DGKI: variants seen among roughly 807,000 people sequenced by gnomAD.
The protein encoded by DGKI is DAG kinase iota.
A neutral mutation model predicts 147.5 loss-of-function variants in DGKI; 55 were observed. That is an observed-to-expected ratio of 0.37 (90% CI 0.30 to 0.47). The LOEUF (loss-of-function observed/expected upper bound fraction) is 0.47, where lower values mean the gene tolerates loss of function less well. Among genes scored for constraint, DGKI ranks in the 20% least tolerant of loss-of-function variants. The pLI is 1.00. For missense variants in DGKI, 1,007 were observed against 1,323.8 expected (o/e 0.76, Z 3.71); for synonymous variants, 469 against 477.1 (o/e 0.98, Z 0.22).
chr7:137,706,842 G>A (rs1794046709), intron 1 of DGKI, among the ~76,000 whole-genome samples: 1 of 151,938 alleles, frequency 6.6e-6, no homozygotes. Flanking sequence ...ATAGTGCTGG[G>A]ATTACAGGCG....
chr7:137,770,593 G>A (rs1303539118), intron 1 of DGKI, among the ~76,000 whole-genome samples: 1 of 47,632 alleles, frequency 2.1e-5, no homozygotes, highest in African/African-American at 5.2e-4. Flanking sequence ...GAGTGCAGTG[G>A]CGGGATCTCG....
intron 12 of DGKI, among the ~76,000 whole-genome samples, chr7:137,592,614 T>C (rs1819655788): frequency 6.6e-6 from 1 of 152,232 alleles, no homozygotes; most frequent in African/African-American, 2.4e-5. Context: ...CAGATGCACG[T>C]TGCGCTGCCT....
chr7:137,489,642 A>G (rs1815690398), intron 21 of DGKI, among the ~76,000 whole-genome samples: 1 of 152,176 alleles, frequency 6.6e-6, no homozygotes, highest in African/African-American at 2.4e-5. Context: ...GATGAGGAAA[A>G]GTTGGAATTT....
intron 1 of DGKI, among the ~76,000 whole-genome samples, chr7:137,832,546 A>G (rs1188116672): frequency 6.6e-6 from 1 of 152,220 alleles, no homozygotes; most frequent in East Asian, 1.9e-4. Flanking sequence ...CCAAGTCCAT[A>G]GTCTGCACAG....
chr7:137,647,105 A>C (rs2129009011), intron 5 of DGKI, among the ~76,000 whole-genome samples: 1 of 152,358 alleles, frequency 6.6e-6, no homozygotes, highest in Admixed American at 6.5e-5. Flanking sequence ...CTAAGAAAGA[A>C]GCTAATTATA....
intron 1 of DGKI, among the ~76,000 whole-genome samples, chr7:137,838,441 G>C (rs113903501): frequency 2.0e-5 from 3 of 152,034 alleles, no homozygotes; most frequent in Non-Finnish European, 2.9e-5. Flanking sequence ...CTTTCCGACC[G>C]CTTCCACATA....
intron 1 of DGKI, among the ~76,000 whole-genome samples, chr7:137,796,797 A>G (rs752884330): frequency 6.6e-5 from 10 of 152,218 alleles, no homozygotes; most frequent in Non-Finnish European, 1.0e-4. Flanking sequence ...GAAAATAAAC[A>G]AAGCCTCAGA....
At chr7:137,492,629 G>A in intron 21 of DGKI, among the ~76,000 whole-genome samples, 1 of 152,294 alleles carries the variant, frequency 6.6e-6, no homozygotes, top group Admixed American at 6.5e-5. Flanking sequence ...GAGGTGGTAA[G>A]GGCAGGGCTC....
At chr7:137,681,286 G>A (rs1272186802) in intron 2 of DGKI, among the ~76,000 whole-genome samples, 2 of 152,192 alleles carry the variant, frequency 1.3e-5, no homozygotes, top group South Asian at 2.1e-4. Context: ...GGAAGTCAAT[G>A]GGAAAATAGG....
intron 17 of DGKI, among the ~76,000 whole-genome samples, chr7:137,573,928 G>A (rs1281950263): frequency 6.6e-6 from 1 of 152,190 alleles, no homozygotes; most frequent in African/African-American, 2.4e-5. Flanking sequence ...AATAACTCTA[G>A]TCATGACTAT....
intron 30 of DGKI, among the ~76,000 whole-genome samples, chr7:137,405,848 T>G (rs1041992693): frequency 9.2e-5 from 14 of 152,008 alleles, no homozygotes; most frequent in Non-Finnish European, 1.8e-4. Flanking sequence ...CCCAAACATG[T>G]GAGAGTCCAT....
At chr7:137,505,711 CAA>C (rs34646057) in intron 21 of DGKI, among the ~76,000 whole-genome samples, 32 of 61,672 alleles carry the variant, frequency 5.2e-4, no homozygotes, top group African/African-American at 6.5e-4. Context: ...ATAAGAGATG[CAA>C]AAAAAAAAAA....
intron 1 of DGKI, among the ~76,000 whole-genome samples, chr7:137,778,762 C>T (rs1796437781): frequency 6.6e-6 from 1 of 152,144 alleles, no homozygotes; most frequent in Admixed American, 6.5e-5. Context: ...TTGCAGAAAG[C>T]CTCAGTTTCC....
chr7:137,393,314 TAGAA>T (rs1811433772), intron 32 of DGKI, among the ~76,000 whole-genome samples: 1 of 152,106 alleles, frequency 6.6e-6, no homozygotes, highest in African/African-American at 2.4e-5. Flanking sequence ...TTCAGAAACT[TAGAA>T]AGATAAAAAA....
chr7:137,677,962 C>T (rs1199678551), intron 3 of DGKI, among the ~76,000 whole-genome samples: 3 of 152,138 alleles, frequency 2.0e-5, no homozygotes, highest in African/African-American at 7.2e-5. Flanking sequence ...GAATTTTAAC[C>T]CTCTAAATAG....
At chr7:137,834,795 T>C (rs536372142) in intron 1 of DGKI, among the ~76,000 whole-genome samples, 1 of 152,384 alleles carries the variant, frequency 6.6e-6, no homozygotes, top group Admixed American at 6.5e-5. Context: ...AAATGCCTTT[T>C]ATGCCTTAAA....
At chr7:137,483,799 G>A (rs531128028) in intron 23 of DGKI, among the ~76,000 whole-genome samples, 38 of 152,166 alleles carry the variant, frequency 2.5e-4, no homozygotes, top group African/African-American at 8.9e-4. Context: ...TGGCTGCATA[G>A]TATTCCATAG....
chr7:137,494,795 A>C (rs1204649696), intron 21 of DGKI, among the ~76,000 whole-genome samples: 1 of 152,194 alleles, frequency 6.6e-6, no homozygotes, highest in East Asian at 1.9e-4. Context: ...TAACAACACA[A>C]TGACAGGATC....
chr7:137,694,104 A>G lies in DGKI; in HGVS notation c.402-4102T>C, dbSNP rs577489279. Among the ~76,000 whole-genome samples, 303 of 152,222 alleles carry G rather than the reference A, an allele frequency of 2.0e-3. 1 individual carries two copies. Among genetic ancestry groups the G allele is most frequent in the Non-Finnish European group, 1.6e-3 (110 of 67,994 alleles). The stretch of plus-strand genomic sequence containing the variant: ...TGGGAGGCCGAGGCGGGCAGATCAC[A>G]AGGTCAGGAGATTGAGACCATCCTG... On this transcript the variant is annotated intron_variant, in intron 1 of 32. Transcript: ENST00000614521.
Sources: gnomAD v4.1 joint callset for allele counts (sites outside exome capture counted in the v4.1 genomes callset) on GRCh38, gnomAD v4.1.1 for gene constraint, MANE v1.5 for transcripts, NCBI Gene and HGNC (gene_info 2026-07-23, HGNC 2026-07-21) for gene names.